Variants in DDX42 observed in about 807,000 individuals in gnomAD.
DDX42 encodes the protein DEAD-box helicase 42.
A neutral mutation model predicts 101.5 loss-of-function variants in DDX42; 22 were observed. The observed-to-expected ratio is 0.22, with a 90% CI of 0.15 to 0.31. The LOEUF (loss-of-function observed/expected upper bound fraction) is 0.31, where lower values mean the gene tolerates loss of function less well. DDX42 is among the 10% of genes least tolerant of loss of function. The pLI, the probability that DDX42 is intolerant of heterozygous loss-of-function variation, is 1.00. For missense variants in DDX42, 849 were observed against 1,199.9 expected, an observed-to-expected ratio of 0.71 and a Z score of 4.32; for synonymous variants, 402 against 401.2, an observed-to-expected ratio of 1.00 and a Z score of -0.02.
chr17:63,787,101 G>T lies in DDX42; in HGVS notation c.52G>T (p.Gly18Cys). 6.2e-7 allele frequency: 1 copy of T among 1,614,232 alleles called. No individual in the cohort carries two copies. The highest frequency in any genetic ancestry group is 8.5e-7 in the Non-Finnish European group (1 of 1,180,044). Residue 18 changes from glycine to cysteine, a missense_variant, in exon 2 of 18, where the codon GGT (glycine) becomes TGT (cysteine). This residue lies in a region of DDX42 where 92 missense variants were observed against 106.7 expected (regional missense o/e 0.86). Transcript: ENST00000389924. Reference protein sequence around the residue: ...PGTKRGFGFGGFAISAGKKEE... With the variant: ...PGTKRGFGFGCFAISAGKKEE... ...CACTAAGCGAGGATTTGGCTTTGGA[G>T]GTTTTGCCATCAGTGCTGGGAAAAA...
In DDX42 at chr17:63,806,523, C is replaced by A; in HGVS notation, c.727-12C>A. Reference sequence around the variant, plus strand: ...AGTACAAGTCATTCTGGGGAGTTGTCTCTATCTCTAGGTCTCTGGTGCTGC... The same window carrying A: ...AGTACAAGTCATTCTGGGGAGTTGTATCTATCTCTAGGTCTCTGGTGCTGC... On this transcript the variant is annotated splice_polypyrimidine_tract_variant and intron_variant, in intron 7 of 17. Coordinates refer to ENST00000389924, the MANE Select transcript of DDX42 (RefSeq NM_203499.3). 6.2e-7 allele frequency: 1 copy of A among 1,606,564 alleles called. No homozygotes were observed. Among genetic ancestry groups the A allele is most frequent in the Non-Finnish European group, 8.5e-7 (1 of 1,176,858 alleles).
At chr17:63,786,993 T>C (rs1361825018) in intron 1 of DDX42, 41 bp from the exon 2 acceptor site, 46 of 1,605,930 alleles carry the variant, frequency 2.9e-5, no homozygotes, top group Non-Finnish European at 3.7e-5. Flanking sequence ...CTATACACTT[T>C]TTTAAGTTTA....
chr17:63,803,492 T>C (rs1314542488), intron 6 of DDX42, among the ~76,000 whole-genome samples: 2 of 147,964 alleles, frequency 1.4e-5, no homozygotes, highest in Admixed American at 6.8e-5. Context: ...CACTTAAACC[T>C]TGGAGGAGGA....
Position 63,789,557 on chromosome 17 carries a change from TTGTTTTTG to T in DDX42, c.221+2289_221+2296del, listed in dbSNP as rs2039597262. On this transcript the variant is annotated intron_variant, in intron 2 of 17. Transcript: ENST00000389924. The stretch of plus-strand genomic sequence containing the variant: ...AAGCTTCTAAAAGACTTTTTTGTTT[TTGTTTTTG>T]TTTTTGTTTTTTTTTTTTTTTTTTT... Among the ~76,000 whole-genome samples, 4 of 24,334 alleles carry T rather than the reference TTGTTTTTG, an allele frequency of 1.6e-4. 1 individual carries two copies. Among genetic ancestry groups the T allele is most frequent in the South Asian group, 2.0e-3 (1 of 494 alleles). The allele number at this position is 24,334 out of a possible 152,430, so 16.0% of individuals were successfully genotyped here.
chr17:63,779,407 G>A (rs959388846), intron 1 of DDX42, among the ~76,000 whole-genome samples: 7 of 152,088 alleles, frequency 4.6e-5, no homozygotes, highest in Admixed American at 1.3e-4. Context: ...GGGGCTACAG[G>A]TGCACACCAC....
In DDX42 at chr17:63,798,878, C is replaced by G. The variant is rs372753402; in HGVS notation, c.435-711C>G. ...TTGGTATTCACTGTATGTCATATCC[C>G]CTTCCACCTGCCCTGCACTGGTGGT... On this transcript the variant is annotated intron_variant, in intron 4 of 17. Transcript: ENST00000389924. 4.6e-5 allele frequency among the ~76,000 whole-genome samples: 7 copies of G among 152,282 alleles called. No homozygotes were observed. In the South Asian group the frequency reaches 6.2e-4, roughly 14 times the overall value.
Position 63,806,613 on chromosome 17 carries a change from C to G in DDX42, c.805C>G (p.Arg269Gly), listed in dbSNP as rs866497677. The change falls in exon 8 of 18, where the codon CGG (arginine) becomes GGG (glycine). Residue 269 changes from arginine (R) to glycine (G), a missense_variant. By Grantham distance (125) the Arg-to-Gly change is moderately radical. This residue lies in a region of DDX42 where 370 missense variants were observed against 608.8 expected (regional missense o/e 0.61). Coordinates refer to ENST00000389924, the MANE Select transcript of DDX42 (RefSeq NM_203499.3). ...TGACGAACAACTTATGCACCAGATT[C>G]GGAAATCTGAATACACACAGCCCAC... ...GFDEQLMHQI[R>G]KSEYTQPTPI... 1 of 1,613,038 alleles carries G rather than the reference C, an allele frequency of 6.2e-7. No individual in the cohort carries two copies.
rs781119487 is a variant in DDX42, at chr17:63,800,633, C to G, written c.621+16C>G. The G allele has an allele frequency of 1.2e-6, 2 of 1,609,478 alleles. No individual in the cohort carries two copies. The highest frequency in any genetic ancestry group is 1.7e-6 in the Non-Finnish European group (2 of 1,178,146). ...TCATTCAGAGGTATGGTGTTTCTTG[C>G]TGAATTTTACTCTTGTTTCAAGCTG... On this transcript the variant is annotated intron_variant, in intron 6 of 17. Coordinates refer to ENST00000389924, the MANE Select transcript of DDX42 (RefSeq NM_203499.3).
At chr17:63,803,567 CAAA>C (rs1165590235) in intron 6 of DDX42, among the ~76,000 whole-genome samples, 10 of 44,230 alleles carry the variant, frequency 2.3e-4, no homozygotes, top group Non-Finnish European at 2.4e-4. Context: ...GACTCCATCT[CAAA>C]AAAAAAAAAA....
chr17:63,784,498 G>A (rs2039523480), intron 1 of DDX42, among the ~76,000 whole-genome samples: 1 of 152,142 alleles, frequency 6.6e-6, no homozygotes, highest in Non-Finnish European at 1.5e-5. Flanking sequence ...TTTTAGGCCA[G>A]GCAAGGTGGT....
chr17:63,780,385 A>T (rs2039473297), intron 1 of DDX42, among the ~76,000 whole-genome samples: 1 of 152,186 alleles, frequency 6.6e-6, no homozygotes, highest in African/African-American at 2.4e-5. Flanking sequence ...AGATTTAATC[A>T]GGAAGGGTGG....
chr17:63,803,824 A>G (rs2039804454), intron 6 of DDX42, among the ~76,000 whole-genome samples: 1 of 150,942 alleles, frequency 6.6e-6, no homozygotes, highest in Admixed American at 6.6e-5. Context: ...TAATTTTTGT[A>G]TTTTTGGTAG....
intron 2 of DDX42, among the ~76,000 whole-genome samples, chr17:63,789,953 T>G (rs1340263756): frequency 6.6e-6 from 1 of 152,154 alleles, no homozygotes; most frequent in Non-Finnish European, 1.5e-5. Context: ...AGTGTTTAAG[T>G]TTTAGCAAAG....
At chr17:63,786,861 A>G (rs146711860) in intron 1 of DDX42, among the ~76,000 whole-genome samples, 173 bp from the exon 2 acceptor site, 2,492 of 152,240 alleles carry the variant, frequency 0.016, 59 homozygotes, top group African/African-American at 0.057. Flanking sequence ...TATTTTTAGT[A>G]GAGAAGGGTT....
At chr17:63,807,072 C>T (rs1206972754) in intron 8 of DDX42, among the ~76,000 whole-genome samples, 2 of 152,136 alleles carry the variant, frequency 1.3e-5, no homozygotes, top group African/African-American at 2.4e-5. Context: ...TCTGTACCTT[C>T]TTAAGGGGGG....
Position 63,792,782 on chromosome 17 carries a change from A to G in DDX42, c.372+220A>G, listed in dbSNP as rs570137489. ...TAGAAATTTGAACTGTAACCCATGA[A>G]CATGGTAGCTCTAGACGTATATGTG... On this transcript the variant is annotated intron_variant, in intron 3 of 17. Transcript: ENST00000389924. Among the ~76,000 whole-genome samples, 3 of 152,216 alleles carry G rather than the reference A, an allele frequency of 2.0e-5. No individual in the cohort carries two copies. In the South Asian group the frequency reaches 6.2e-4, roughly 32 times the overall value.
At position 63,818,465 on chromosome 17, in the gene DDX42, C is replaced by T. The variant is rs779234501; in HGVS notation, c.*67C>T. On this transcript the variant is annotated 3_prime_UTR_variant, in exon 18 of 18. Transcript: ENST00000389924. ...TAGAAAGATTTTGGTAACTAGGTGT[C>T]TCAGGGCTGGGTTGGGGTCCAAAGT... is the stretch of plus-strand genomic sequence containing the variant. The T allele has an allele frequency of 5.0e-4, 735 of 1,483,742 alleles. 5 individuals are homozygous for T. In the Middle Eastern group the frequency reaches 9.1e-3, roughly 18 times the overall value. 91.9% of individuals were successfully genotyped at this position (1,483,742 alleles called of 1,614,324 possible).
In DDX42 at chr17:63,818,260, G is replaced by C; in HGVS notation, c.2679G>C (p.Glu893Asp). 1 of 1,614,122 alleles carries C rather than the reference G, an allele frequency of 6.2e-7. No individual in the cohort carries two copies. Among genetic ancestry groups the C allele is most frequent in the South Asian group, 1.1e-5 (1 of 91,076 alleles). ...GESRKEAFNR[E>D]SKMEPKMEPK... ...GCAGGAAAGAAGCTTTTAATCGTGA[G>C]AGCAAGATGGAGCCCAAGATGGAAC... Residue 893 changes from glutamate (E) to aspartate (D), a missense_variant, in exon 18 of 18, where the codon GAG (glutamate) becomes GAC (aspartate). Around this residue, in one of 5 missense-constraint regions of DDX42, gnomAD observed 300 missense variants for 304.9 expected, o/e 0.98. Coordinates refer to ENST00000389924, the MANE Select transcript of DDX42 (RefSeq NM_203499.3).
At chr17:63,814,012 G>T (rs957660544) in intron 15 of DDX42, among the ~76,000 whole-genome samples, 1 of 152,024 alleles carries the variant, frequency 6.6e-6, no homozygotes, top group East Asian at 1.9e-4. Flanking sequence ...GCCAATTTTT[G>T]TAATTTTAGT....
Sources: allele counts gnomAD v4.1 joint callset (sites outside exome capture counted in the v4.1 genomes callset), GRCh38; gene constraint gnomAD v4.1.1; regional missense constraint gnomAD v4.1.1; transcripts MANE v1.5; gene names NCBI Gene and HGNC (gene_info 2026-07-23, HGNC 2026-07-21).